The following CHMP1A variants were observed in gnomAD, a reference collection of about 807,000 sequenced individuals.
CHMP1A encodes VPS46 homolog A.
In CHMP1A, 17 loss-of-function variants were observed where a neutral mutation model predicts 27.0. The ratio of observed to expected loss-of-function variants is 0.63; its 90% CI spans 0.43 to 0.95. The LOEUF is 0.95. CHMP1A is among the 40% of genes least tolerant of loss of function. The probability of loss-of-function intolerance (pLI) is 0.00; values close to 1 mark genes in which losing one functional copy is unlikely to be tolerated. For missense variants in CHMP1A, 275 were observed against 264.0 expected, an observed-to-expected ratio of 1.04 and a Z score of -0.29; for synonymous variants, 131 against 107.5, an observed-to-expected ratio of 1.22 and a Z score of -1.35.
In CHMP1A at chr16:89,646,926, TG is replaced by T. The variant is rs1271892282; in HGVS notation, c.382-213del. On this transcript the variant is annotated intron_variant, in intron 5 of 6. Transcript: ENST00000397901. ...CACCCTCTGACTGTGCCATGCCTGCTGCCGCGGGTGGACATCTTTCCACACC... is the reference window on the plus strand; with the variant it reads ...CACCCTCTGACTGTGCCATGCCTGCTCCGCGGGTGGACATCTTTCCACACC... 3 of 669,908 alleles carry T rather than the reference TG, an allele frequency of 4.5e-6. No homozygotes were observed. In the East Asian group the frequency reaches 1.1e-4, roughly 24 times the overall value. 41.5% of individuals were successfully genotyped at this position (669,908 alleles called of 1,614,324 possible). A position where few individuals can be genotyped will look rare whatever the true frequency, so the allele number is the denominator to read the frequency against.
At chr16:89,648,337 G>C (rs375422528) in intron 4 of CHMP1A, among the ~76,000 whole-genome samples, 13 of 14,772 alleles carry the variant, frequency 8.8e-4, no homozygotes, top group Non-Finnish European at 1.5e-3. Context: ...GCGCGGGGTC[G>C]GTGGAGAAAA....
In CHMP1A at chr16:89,653,894, C is replaced by T. The variant is rs140547967; in HGVS notation, c.27+10G>A. ...AACAGGGCTGGGGTGAACGGCCATT[C>T]GGTACATACCTTCAACTGGAACAGG... On this transcript the variant is annotated intron_variant, in intron 2 of 6. Coordinates refer to ENST00000397901, the MANE Select transcript of CHMP1A (RefSeq NM_002768.5). 1,097 of 1,613,298 alleles carry T rather than the reference C, an allele frequency of 6.8e-4. 5 individuals are homozygous for T. In the African/African-American group the frequency reaches 0.013, roughly 20 times the overall value.
intron 5 of CHMP1A, 170 bp from the exon 6 acceptor site, chr16:89,646,884 G>GGCCCCGCC: frequency 1.4e-6 from 1 of 709,054 alleles, no homozygotes; most frequent in Non-Finnish European, 2.4e-6. Flanking sequence ...AGCCTTTCCT[G>GGCCCCGCC]CCCCCCCACC....
At position 89,645,864 on chromosome 16, in the gene CHMP1A, C is replaced by A; in HGVS notation, c.*202G>T. ...TCACCCCCAGAAATTTGCAGAAACTCAACACCAGGACACAGACCCACCGCC... is the reference window on the plus strand; with the variant it reads ...TCACCCCCAGAAATTTGCAGAAACTAAACACCAGGACACAGACCCACCGCC... On this transcript the variant is annotated 3_prime_UTR_variant, in exon 7 of 7. Transcript: ENST00000397901. 6.5e-7 allele frequency: 1 copy of A among 1,534,430 alleles called. No individual in the cohort carries two copies. The highest frequency in any genetic ancestry group is 1.4e-5 in the African/African-American group (1 of 72,262).
rs543955146 is a variant in CHMP1A at position 89,644,703 on chromosome 16, A to G, written c.*1363T>C. Reference sequence around the variant, plus strand: ...CTGGGGGCTCCCAAGTTCTGAAAAGAAAACCAAACGCAGTGAGCCCACGTC... The same window carrying G: ...CTGGGGGCTCCCAAGTTCTGAAAAGGAAACCAAACGCAGTGAGCCCACGTC... On this transcript the variant is annotated 3_prime_UTR_variant, in exon 7 of 7. Coordinates refer to ENST00000397901, the MANE Select transcript of CHMP1A (RefSeq NM_002768.5). The G allele has an allele frequency of 1.3e-5, 2 of 152,438 alleles. No homozygotes were observed. Among genetic ancestry groups the G allele is most frequent in the South Asian group, 2.1e-4 (1 of 4,826 alleles). 9.4% of individuals were successfully genotyped at this position (152,438 alleles called of 1,614,324 possible). A position where few individuals can be genotyped will look rare whatever the true frequency, so the allele number is the denominator to read the frequency against.
In CHMP1A at chr16:89,646,531, G is replaced by A. The variant is rs764268997; in HGVS notation, c.565C>T (p.Arg189Trp). ...CGTTTCGGGGACCGACCCTACCTCC[G>A]TGACAGCTGGTCCTCCTGGCTGCGC... ...SVRSQEDQLS[R>W]RLAALRN Residue 189 changes from arginine to tryptophan, a missense_variant, in exon 6 of 7, where the codon CGG (arginine) becomes TGG (tryptophan). By Grantham distance (101) the Arg-to-Trp change is moderately radical. Transcript: ENST00000397901. 1.1e-5 allele frequency: 17 copies of A among 1,578,504 alleles called. No homozygotes were observed. Among genetic ancestry groups the A allele is most frequent in the South Asian group, 1.2e-5 (1 of 86,126 alleles).
chr16:89,647,431 C>A (rs1037238037), intron 4 of CHMP1A, 100 bp from the exon 5 acceptor site: 9 of 1,182,434 alleles, frequency 7.6e-6, no homozygotes, highest in African/African-American at 1.5e-5. Context: ...AGCTGGGGCA[C>A]CCCAACCCTG....
In CHMP1A at chr16:89,646,616, C is replaced by A. The variant is rs1490858563; in HGVS notation, c.480G>T (p.Glu160Asp). 3 of 1,607,328 alleles carry A rather than the reference C, an allele frequency of 1.9e-6. No individual in the cohort carries two copies. The African/African-American group carries it at 4.0e-5, about 21-fold the overall frequency. Residue 160 changes from glutamate to aspartate, a missense_variant, in exon 6 of 7, where the codon GAG (glutamate) becomes GAT (aspartate). Coordinates refer to ENST00000397901, the MANE Select transcript of CHMP1A (RefSeq NM_002768.5). ...IMQIAEENGL[E>D]VLDQLSQLPE... Reference sequence around the variant, plus strand: ...GCAGCTGGCTGAGCTGGTCCAGCACCTCCAGGCCATTCTCCTCGGCGATCT... The same window carrying A: ...GCAGCTGGCTGAGCTGGTCCAGCACATCCAGGCCATTCTCCTCGGCGATCT...
Position 89,647,438 on chromosome 16 carries a change from C to A in CHMP1A, c.253-107G>T, listed in dbSNP as rs2059784156. On this transcript the variant is annotated intron_variant, in intron 4 of 6. Coordinates refer to ENST00000397901, the MANE Select transcript of CHMP1A (RefSeq NM_002768.5). The stretch of plus-strand genomic sequence containing the variant: ...GACAGGAGAGCTGGGGCACCCCAAC[C>A]CTGACCCACAAAACCCCAACTCTGG... The A allele has an allele frequency of 2.8e-6, 3 of 1,079,662 alleles. No individual in the cohort carries two copies. In the East Asian group the frequency reaches 7.7e-5, roughly 28 times the overall value. 66.9% of individuals were successfully genotyped at this position (1,079,662 alleles called of 1,614,324 possible). A position where few individuals can be genotyped will look rare whatever the true frequency, so the allele number is the denominator to read the frequency against.
chr16:89,650,073 C>T (rs2059812391), intron 3 of CHMP1A, among the ~76,000 whole-genome samples: 1 of 152,224 alleles, frequency 6.6e-6, no homozygotes, highest in Non-Finnish European at 1.5e-5. Flanking sequence ...GCTCCATTCT[C>T]CCTGGGAGCC....
At chr16:89,646,976 A>C in intron 5 of CHMP1A, 2 of 1,398,716 alleles carry the variant, frequency 1.4e-6, no homozygotes, top group Middle Eastern at 4.0e-4. Flanking sequence ...CTGCCATCCG[A>C]GCCTCCCCAC....
intron 1 of CHMP1A, among the ~76,000 whole-genome samples, chr16:89,656,785 C>G (rs1263364450): frequency 6.6e-6 from 1 of 152,156 alleles, no homozygotes; most frequent in Non-Finnish European, 1.5e-5. Flanking sequence ...CCCTCTGACC[C>G]GACATTCCAA....
intron 3 of CHMP1A, among the ~76,000 whole-genome samples, chr16:89,651,224 A>T (rs1303051739): frequency 6.6e-6 from 1 of 152,130 alleles, no homozygotes; most frequent in Non-Finnish European, 1.5e-5. Context: ...CAAAAAAATT[A>T]AAAAATTAGC....
At chr16:89,657,543 CCG>C in intron 1 of CHMP1A, 37 bp downstream of exon 1, 1 of 1,608,758 alleles carries the variant, frequency 6.2e-7, no homozygotes, top group Non-Finnish European at 8.5e-7. Flanking sequence ...CGGCCCCGCC[CCG>C]CGCGCGAGTC....
rs986506515 is a variant in CHMP1A at position 89,651,639 on chromosome 16, G to T, written c.35C>A (p.Ala12Glu). ...DDTLFQLKFT[A>E]KQLEKLAKKA... ...CTTGGCCAGCTTCTCCAGCTGCTTC[G>T]CCGTGAACTGAGCGGAAGCCGGAAT... The change falls in exon 3 of 7, where the codon GCG becomes GAG. Residue 12 changes from alanine to glutamate, a missense_variant. Transcript: ENST00000397901. 18 of 1,613,372 alleles carry T rather than the reference G, an allele frequency of 1.1e-5. No homozygotes were observed. Among genetic ancestry groups the T allele is most frequent in the Admixed American group, 3.3e-5 (2 of 59,984 alleles).
chr16:89,646,496 G>A, intron 6 of CHMP1A, 31 bp downstream of exon 6: 2 of 1,536,630 alleles, frequency 1.3e-6, no homozygotes, highest in Non-Finnish European at 1.8e-6. Flanking sequence ...GCGTGGGGTT[G>A]GTGACACAGC....
At chr16:89,653,015 C>CTTTTT in intron 2 of CHMP1A, among the ~76,000 whole-genome samples, 2 of 122,172 alleles carry the variant, frequency 1.6e-5, no homozygotes, top group East Asian at 8.0e-4. Flanking sequence ...TTTTTTTTTT[C>CTTTTT]TTTTCTTTTT....
In CHMP1A at chr16:89,645,911, A is replaced by AC. The variant is rs1489138604; in HGVS notation, c.*154dup. 6.2e-7 allele frequency: 1 copy of AC among 1,606,566 alleles called. No individual in the cohort carries two copies. The highest frequency in any genetic ancestry group is 1.3e-5 in the African/African-American group (1 of 74,658). On this transcript the variant is annotated 3_prime_UTR_variant, in exon 7 of 7. Transcript: ENST00000397901. Reference sequence around the variant, plus strand: ...CGCCCAACCTAAAAGAACAGGAACAACCCTAAGGCCACGCAGGCCTGGCAG... The same window carrying AC: ...CGCCCAACCTAAAAGAACAGGAACAACCCCTAAGGCCACGCAGGCCTGGCAG...
intron 1 of CHMP1A, among the ~76,000 whole-genome samples, chr16:89,655,424 TCACCTCA>T (rs1250304325): frequency 3.8e-4 from 53 of 139,456 alleles, no homozygotes; most frequent in African/African-American, 1.3e-3. Flanking sequence ...CAGCTTTCCC[TCACCTCA>T]GCTCTCCTCA....
Sources: allele counts gnomAD v4.1 joint callset (sites outside exome capture counted in the v4.1 genomes callset), GRCh38; gene constraint gnomAD v4.1.1; transcripts MANE v1.5; gene names NCBI Gene and HGNC (gene_info 2026-07-23, HGNC 2026-07-21).